The following DLGAP2 variants were observed in gnomAD, a reference collection of about 807,000 sequenced individuals.
DLGAP2 encodes DLG associated protein 2.
In DLGAP2, 26 loss-of-function variants were observed where a neutral mutation model predicts 100.3. That is an observed-to-expected ratio of 0.26 (90% CI 0.19 to 0.36). The LOEUF is 0.36. Ranked by LOEUF, DLGAP2 falls within the 10% of genes least tolerant of loss-of-function variation. The pLI, the probability that DLGAP2 is intolerant of heterozygous loss-of-function variation, is 1.00. For synonymous variants in DLGAP2, 886 were observed against 630.1 expected (o/e 1.41, Z -6.08); for missense variants, 1,858 against 1,453.2 (o/e 1.28, Z -4.53).
intron 2 of DLGAP2, among the ~76,000 whole-genome samples, chr8:1,174,221 C>G (rs1417209709): frequency 6.6e-6 from 1 of 152,042 alleles, no homozygotes; most frequent in Non-Finnish European, 1.5e-5. Context: ...AGAAAAATTG[C>G]TATTCTGCAG....
intron 2 of DLGAP2, among the ~76,000 whole-genome samples, chr8:1,083,189 G>A (rs749602257): frequency 2.6e-5 from 4 of 152,160 alleles, no homozygotes; most frequent in African/African-American, 7.2e-5. Flanking sequence ...AATTTTTCAC[G>A]TGGATCCTCT....
intron 4 of DLGAP2, among the ~76,000 whole-genome samples, chr8:1,538,705 T>G (rs1366020890): frequency 6.6e-6 from 1 of 152,032 alleles, no homozygotes; most frequent in African/African-American, 2.4e-5. Context: ...CCATTGTCAT[T>G]CCAACCTCTC....
At chr8:1,190,942 C>A (rs557832690) in intron 2 of DLGAP2, among the ~76,000 whole-genome samples, 1 of 152,220 alleles carries the variant, frequency 6.6e-6, no homozygotes, top group Admixed American at 6.5e-5. Flanking sequence ...TCCCATGGTG[C>A]GACATCCCCA....
At chr8:1,631,735 C>G (rs1797652263) in intron 7 of DLGAP2, among the ~76,000 whole-genome samples, 1 of 152,222 alleles carries the variant, frequency 6.6e-6, no homozygotes, top group Non-Finnish European at 1.5e-5. Flanking sequence ...CTCCAGGGTC[C>G]ATGCTGAGTT....
intron 1 of DLGAP2, among the ~76,000 whole-genome samples, chr8:815,102 G>A (rs547779700): frequency 5.3e-5 from 8 of 152,282 alleles, no homozygotes; most frequent in South Asian, 4.1e-4. Flanking sequence ...GGGGGGTGTC[G>A]CAGTGCATGT....
intron 12 of DLGAP2, among the ~76,000 whole-genome samples, chr8:1,682,540 T>C (rs1585059350): frequency 1.3e-5 from 2 of 151,902 alleles, no homozygotes; most frequent in East Asian, 3.9e-4. Context: ...AATGGCACGA[T>C]CTCAGCTCAC....
intron 1 of DLGAP2, among the ~76,000 whole-genome samples, chr8:776,043 A>G (rs1821506508): frequency 6.6e-6 from 1 of 152,142 alleles, no homozygotes. Context: ...TTATTGGTCT[A>G]TTCAGAGATT....
At chr8:1,082,354 T>C (rs1803840542) in intron 2 of DLGAP2, among the ~76,000 whole-genome samples, 1 of 152,176 alleles carries the variant, frequency 6.6e-6, no homozygotes, top group African/African-American at 2.4e-5. Context: ...CATTTCTACG[T>C]TTTCTTTATT....
chr8:1,306,976 G>A (rs1800506105), intron 3 of DLGAP2, among the ~76,000 whole-genome samples: 1 of 151,772 alleles, frequency 6.6e-6, no homozygotes, highest in African/African-American at 2.4e-5. Flanking sequence ...TTATGACATT[G>A]GACTTGACAG....
At chr8:1,364,350 G>C (rs189019008) in intron 3 of DLGAP2, among the ~76,000 whole-genome samples, 2 of 152,170 alleles carry the variant, frequency 1.3e-5, no homozygotes, top group Non-Finnish European at 1.5e-5. Context: ...GATCGTTCTC[G>C]TGATCGTCAA....
chr8:1,615,554 C>A (rs1008842003), intron 6 of DLGAP2, among the ~76,000 whole-genome samples: 2 of 151,874 alleles, frequency 1.3e-5, no homozygotes, highest in African/African-American at 4.8e-5. Context: ...TTAGAACTCA[C>A]CGGAAAGATC....
intron 3 of DLGAP2, among the ~76,000 whole-genome samples, chr8:1,480,419 C>T (rs1400084574): frequency 6.6e-6 from 1 of 152,184 alleles, no homozygotes; most frequent in South Asian, 2.1e-4. Flanking sequence ...GCACCCATGG[C>T]AGGGCACGTT....
intron 12 of DLGAP2, among the ~76,000 whole-genome samples, chr8:1,685,010 A>C (rs1235082394): frequency 1.3e-5 from 2 of 152,132 alleles, no homozygotes; most frequent in Non-Finnish European, 2.9e-5. Context: ...TAATGCTGGG[A>C]GGAACATAGG....
chr8:1,656,680 C>T (rs1798292266), intron 8 of DLGAP2, among the ~76,000 whole-genome samples: 1 of 152,178 alleles, frequency 6.6e-6, no homozygotes, highest in Non-Finnish European at 1.5e-5. Flanking sequence ...GAATACATTT[C>T]CTTTAAGCAT....
chr8:1,429,810 T>A (rs1445437012), intron 3 of DLGAP2, among the ~76,000 whole-genome samples: 1 of 150,264 alleles, frequency 6.7e-6, no homozygotes, highest in Non-Finnish European at 1.5e-5. Flanking sequence ...AAAAGCAGGG[T>A]TTTTCTGTCC....
intron 1 of DLGAP2, among the ~76,000 whole-genome samples, chr8:864,125 C>A (rs992218766): frequency 6.6e-6 from 1 of 152,124 alleles, no homozygotes; most frequent in African/African-American, 2.4e-5. Flanking sequence ...TAATCCCACT[C>A]GTGCAGAATC....
At position 1,320,412 on chromosome 8, in the gene DLGAP2, G is replaced by A. The variant is rs550159569; in HGVS notation, c.106+61529G>A. ...TGGAGCCGGACCGGAGGAGGAGGACGGGACACAGTGAAAAAGGGTGGGTGC... is the reference window on the plus strand; with the variant it reads ...TGGAGCCGGACCGGAGGAGGAGGACAGGACACAGTGAAAAAGGGTGGGTGC... On this transcript the variant is annotated intron_variant, in intron 3 of 14. Coordinates refer to ENST00000637795, the MANE Select transcript of DLGAP2 (RefSeq NM_001346810.2). Among the ~76,000 whole-genome samples, 13 of 152,144 alleles carry A rather than the reference G, an allele frequency of 8.5e-5. No homozygotes were observed. In the South Asian group the frequency reaches 2.5e-3, roughly 29 times the overall value.
chr8:1,252,112 G>T (rs997836023), intron 2 of DLGAP2, among the ~76,000 whole-genome samples: 3 of 151,316 alleles, frequency 2.0e-5, no homozygotes, highest in African/African-American at 7.4e-5. Context: ...CGGTGTCAAA[G>T]TCATGTCATG....
Position 1,477,696 on chromosome 8 carries a change from A to G in DLGAP2, c.107-23670A>G, listed in dbSNP as rs1463404912. Among the ~76,000 whole-genome samples the G allele has an allele frequency of 2.0e-5, 3 of 151,924 alleles. No individual in the cohort carries two copies. In the East Asian group the frequency reaches 5.8e-4, roughly 29 times the overall value. ...TAGCTCGCTTATTTACTTCCCTGAC[A>G]TTTATTTTCTCATGTTTAAACATAT... is the stretch of plus-strand genomic sequence containing the variant. On this transcript the variant is annotated intron_variant, in intron 3 of 14. Coordinates refer to ENST00000637795, the MANE Select transcript of DLGAP2 (RefSeq NM_001346810.2).
Sources: allele counts gnomAD v4.1 joint callset (sites outside exome capture counted in the v4.1 genomes callset), GRCh38; gene constraint gnomAD v4.1.1; transcripts MANE v1.5; gene names NCBI Gene and HGNC (gene_info 2026-07-23, HGNC 2026-07-21).